The following ZNF385D variants were observed in gnomAD, a reference collection of about 807,000 sequenced individuals.
ZNF385D encodes the protein zinc finger protein 659.
In ZNF385D, 15 loss-of-function variants were observed where a neutral mutation model predicts 35.8. The observed-to-expected ratio is 0.42, with a 90% CI of 0.28 to 0.64. ZNF385D has a LOEUF of 0.64. ZNF385D is among the 30% of genes least tolerant of loss of function. ZNF385D has a pLI of 0.23. For synonymous variants in ZNF385D, 212 were observed against 186.8 expected (o/e 1.13, Z -1.10); for missense variants, 474 against 494.6 (o/e 0.96, Z 0.39).
chr3:22,246,500 T>C (rs1282792515), intron 2 of ZNF385D, among the ~76,000 whole-genome samples: 1 of 152,130 alleles, frequency 6.6e-6, no homozygotes, highest in Non-Finnish European at 1.5e-5. Context: ...ACCATACTCA[T>C]AAGCCTTCTG....
At chr3:21,574,300 A>G (rs1227572880) in intron 2 of ZNF385D, among the ~76,000 whole-genome samples, 1 of 152,102 alleles carries the variant, frequency 6.6e-6, no homozygotes, top group Non-Finnish European at 1.5e-5. Flanking sequence ...AAAAGTCTCT[A>G]CGTGAATAAA....
At chr3:22,293,255 G>C (rs1312483549) in intron 2 of ZNF385D, among the ~76,000 whole-genome samples, 1 of 152,062 alleles carries the variant, frequency 6.6e-6, no homozygotes, top group African/African-American at 2.4e-5. Flanking sequence ...AGGGCAACCA[G>C]GAGTCAGAAA....
chr3:21,824,746 A>T (rs961133641), intron 3 of ZNF385D, among the ~76,000 whole-genome samples: 9 of 152,164 alleles, frequency 5.9e-5, no homozygotes, highest in Non-Finnish European at 1.5e-5. Flanking sequence ...AAAAAAAATT[A>T]GTTACACTTA....
At chr3:22,040,358 T>C (rs1035043379) in intron 3 of ZNF385D, among the ~76,000 whole-genome samples, 2 of 152,190 alleles carry the variant, frequency 1.3e-5, no homozygotes, top group African/African-American at 4.8e-5. Flanking sequence ...TACGTCATTT[T>C]ATAGATAAGG....
chr3:22,048,825 T>C (rs1699170309), intron 3 of ZNF385D, among the ~76,000 whole-genome samples: 1 of 152,200 alleles, frequency 6.6e-6, no homozygotes, highest in Admixed American at 6.5e-5. Context: ...AATTAGTAGA[T>C]CACTTTGGAT....
rs138387612 is a variant in ZNF385D at position 22,106,231 on chromosome 3, C to T, written c.325+62586G>A. Among the ~76,000 whole-genome samples, 373 of 152,172 alleles carry T rather than the reference C, an allele frequency of 2.5e-3. 2 individuals are homozygous for T. Among genetic ancestry groups the T allele is most frequent in the African/African-American group, 8.7e-3 (361 of 41,534 alleles). ...ATTAGGTTGTAAGGAAACTGGTCAT[C>T]GACATAATCAGGTTTTTCCCAGTAA... On this transcript the variant is annotated intron_variant, in intron 3 of 5. Coordinates refer to the ZNF385D transcript ENST00000494108.
intron 2 of ZNF385D, among the ~76,000 whole-genome samples, chr3:22,177,878 C>G (rs1694943264): frequency 6.6e-6 from 1 of 152,132 alleles, no homozygotes; most frequent in Non-Finnish European, 1.5e-5. Flanking sequence ...ATGATGGTTT[C>G]CAGCTTCATC....
chr3:22,224,771 G>A (rs1439939220), intron 2 of ZNF385D, among the ~76,000 whole-genome samples: 3 of 152,152 alleles, frequency 2.0e-5, no homozygotes, highest in African/African-American at 7.2e-5. Flanking sequence ...GAAGGTTGAA[G>A]ACCTGCCCCT....
chr3:22,244,659 C>T (rs1424635711), intron 2 of ZNF385D, among the ~76,000 whole-genome samples: 1 of 150,876 alleles, frequency 6.6e-6, no homozygotes, highest in Non-Finnish European at 1.5e-5. Context: ...TTTAATATCC[C>T]TTAAATACAA....
At chr3:21,810,436 T>C (rs2072866362) in intron 3 of ZNF385D, among the ~76,000 whole-genome samples, 2 of 152,128 alleles carry the variant, frequency 1.3e-5, no homozygotes, top group African/African-American at 4.8e-5. Context: ...GACTAGTTGA[T>C]GGGTGCAGCA....
chr3:22,210,146 A>G (rs943690684), intron 2 of ZNF385D, among the ~76,000 whole-genome samples: 4 of 151,916 alleles, frequency 2.6e-5, no homozygotes, highest in Non-Finnish European at 5.9e-5. Flanking sequence ...CAAGTGAAAG[A>G]GTCATTGTAT....
chr3:21,948,828 T>G (rs1390919270), intron 3 of ZNF385D, among the ~76,000 whole-genome samples: 4 of 152,284 alleles, frequency 2.6e-5, no homozygotes, highest in African/African-American at 9.6e-5. Flanking sequence ...ATTTTTGCTA[T>G]GAAGTATAAG....
intron 3 of ZNF385D, among the ~76,000 whole-genome samples, chr3:21,902,198 G>A (rs934970970): frequency 2.0e-5 from 3 of 152,186 alleles, no homozygotes; most frequent in South Asian, 4.1e-4. Flanking sequence ...AAACCTTCAA[G>A]GATACACAAT....
intron 3 of ZNF385D, among the ~76,000 whole-genome samples, chr3:21,915,356 G>C (rs985653668): frequency 9.2e-5 from 14 of 151,904 alleles, no homozygotes; most frequent in Non-Finnish European, 1.6e-4. Context: ...GCAGGTATTT[G>C]CCTGTTCAAG....
At chr3:21,716,457 C>A (rs931034795) in intron 1 of ZNF385D, among the ~76,000 whole-genome samples, 1 of 152,152 alleles carries the variant, frequency 6.6e-6, no homozygotes, top group African/African-American at 2.4e-5. Context: ...TCATGTCCCT[C>A]CACCCATGCT....
At chr3:21,711,142 CGCCATTCTCCT>C (rs1036834118) in intron 1 of ZNF385D, among the ~76,000 whole-genome samples, 2 of 149,696 alleles carry the variant, frequency 1.3e-5, no homozygotes, top group African/African-American at 4.9e-5. Flanking sequence ...CCCGTGTTCA[CGCCATTCTCCT>C]GCCTCAGCCT....
At chr3:22,103,296 G>C (rs1470882503) in intron 3 of ZNF385D, among the ~76,000 whole-genome samples, 26 of 151,376 alleles carry the variant, frequency 1.7e-4, no homozygotes. Flanking sequence ...AATCACTGTG[G>C]GCTCACAAGT....
chr3:21,828,783 C>G (rs1694814995), intron 3 of ZNF385D, among the ~76,000 whole-genome samples: 1 of 150,386 alleles, frequency 6.6e-6, no homozygotes, highest in South Asian at 2.1e-4. Flanking sequence ...ATTCAACGTA[C>G]TGGCAAGGCT....
chr3:21,595,003 T>C (rs528971623), intron 2 of ZNF385D, among the ~76,000 whole-genome samples: 4 of 152,350 alleles, frequency 2.6e-5, no homozygotes, highest in Admixed American at 6.5e-5. Context: ...CTTTTTTCTT[T>C]TTATAACCAG....
Sources: allele counts gnomAD v4.1 joint callset (sites outside exome capture counted in the v4.1 genomes callset), GRCh38; gene constraint gnomAD v4.1.1; transcripts MANE v1.5; gene names NCBI Gene and HGNC (gene_info 2026-07-23, HGNC 2026-07-21).